The following AHCTF1 variants were observed in gnomAD, a reference collection of about 807,000 sequenced individuals.
AHCTF1 encodes protein ELYS.
In AHCTF1, 24 loss-of-function variants were observed where a neutral mutation model predicts 248.4. The ratio of observed to expected loss-of-function variants is 0.10; its 90% CI spans 0.07 to 0.14. AHCTF1 has a LOEUF of 0.14. Ranked by LOEUF, AHCTF1 falls within the 10% of genes least tolerant of loss-of-function variation. The pLI is 1.00. For missense variants in AHCTF1, 2,206 were observed against 2,636.2 expected, an observed-to-expected ratio of 0.84 and a Z score of 3.57; for synonymous variants, 786 against 929.8, an observed-to-expected ratio of 0.85 and a Z score of 2.81.
chr1:246,872,181 G>T (rs1662644753), intron 24 of AHCTF1, among the ~76,000 whole-genome samples: 1 of 151,208 alleles, frequency 6.6e-6, no homozygotes, highest in African/African-American at 2.4e-5. Flanking sequence ...AGTTACTAAA[G>T]ATACCTGATC....
At position 246,867,246 on chromosome 1, in the gene AHCTF1, A is replaced by G. The variant is rs766787059; in HGVS notation, c.3345T>C (p.Ser1115=). Reference sequence around the variant, plus strand: ...AGAATGATTTAATAAACTCTTACCTAGAAATTTTTTGTGATGCTTTTGAAA... The same window carrying G: ...AGAATGATTTAATAAACTCTTACCTGGAAATTTTTTGTGATGCTTTTGAAA... ...TPISKASQKI[S]RLLDLVVQPV... The change falls in exon 26 of 36, where the codon TCT becomes TCC. Residue 1115 remains serine, a splice_region_variant and synonymous_variant. Coordinates refer to ENST00000648844, the MANE Select transcript of AHCTF1 (RefSeq NM_001323342.2). The G allele has an allele frequency of 6.3e-7, 1 of 1,576,598 alleles. No homozygotes were observed. The highest frequency in any genetic ancestry group is 8.7e-7 in the Non-Finnish European group (1 of 1,154,746).
intron 1 of AHCTF1, chr1:246,931,153 GAACACACGCC>G (rs1390739774): frequency 6.5e-7 from 1 of 1,550,084 alleles, no homozygotes; most frequent in Non-Finnish European, 8.7e-7. Context: ...AGCGCATGTG[GAACACACGCC>G]AACACAGGAC....
At position 246,876,079 on chromosome 1, in the gene AHCTF1, C is replaced by T. The variant is rs1662938400; in HGVS notation, c.3046G>A (p.Ala1016Thr). Residue 1016 changes from alanine to threonine, a missense_variant, in exon 24 of 36, where the codon GCT (alanine) becomes ACT (threonine). Around this residue, in one of 6 missense-constraint regions of AHCTF1, gnomAD observed 955 missense variants for 1,055.6 expected, o/e 0.90. Coordinates refer to ENST00000648844, the MANE Select transcript of AHCTF1 (RefSeq NM_001323342.2). Reference sequence around the variant, plus strand: ...GATGTTGACAGATGATAAGGCTTAGCTCGTTCAATGGCTAATTTTCGATGG... The same window carrying T: ...GATGTTGACAGATGATAAGGCTTAGTTCGTTCAATGGCTAATTTTCGATGG... ...RVHRKLAIER[A>T]KPYHLSTSSV... The T allele has an allele frequency of 1.2e-6, 2 of 1,608,634 alleles. No individual in the cohort carries two copies. Among genetic ancestry groups the T allele is most frequent in the Non-Finnish European group, 1.7e-6 (2 of 1,177,872 alleles).
chr1:246,841,583 T>A (rs1212362299), intron 35 of AHCTF1, among the ~76,000 whole-genome samples: 1 of 152,198 alleles, frequency 6.6e-6, no homozygotes, highest in African/African-American at 2.4e-5. Flanking sequence ...AATGGAGTGA[T>A]CTTCCCATGC....
At chr1:246,908,323 CA>C (rs34997839) in intron 4 of AHCTF1, among the ~76,000 whole-genome samples, 3,149 of 101,524 alleles carry the variant, frequency 0.031, 64 homozygotes, top group African/African-American at 0.076. Context: ...CACAGGGATA[CA>C]AAAAAAAAAA....
Position 246,888,050 on chromosome 1 carries a change from A to T in AHCTF1, c.2325+127T>A, listed in dbSNP as rs536459570. On this transcript the variant is annotated intron_variant, in intron 19 of 35. Transcript: ENST00000648844. Reference sequence around the variant, plus strand: ...GAGCCCAAACAACAGATCCTGGGTTAACACCTCTTCTTAAGAAAACAAAAC... The same window carrying T: ...GAGCCCAAACAACAGATCCTGGGTTTACACCTCTTCTTAAGAAAACAAAAC... The T allele has an allele frequency of 2.7e-4, 258 of 969,038 alleles. 3 individuals carry two copies. The South Asian group carries it at 4.0e-3, about 15-fold the overall frequency. The allele number at this position is 969,038 out of a possible 1,614,324, so 60.0% of individuals were successfully genotyped here. A position where few individuals can be genotyped will look rare whatever the true frequency, so the allele number is the denominator to read the frequency against.
intron 1 of AHCTF1, among the ~76,000 whole-genome samples, chr1:246,927,956 C>T (rs571716514): frequency 7.2e-5 from 11 of 152,042 alleles, no homozygotes; most frequent in East Asian, 1.9e-4. Context: ...GCCAAGATCA[C>T]GCCACTGCAC....
intron 8 of AHCTF1, among the ~76,000 whole-genome samples, 153 bp downstream of exon 8, chr1:246,902,372 G>A (rs1357775004): frequency 6.6e-6 from 1 of 152,120 alleles, no homozygotes; most frequent in Non-Finnish European, 1.5e-5. Flanking sequence ...TGGAGAGCAA[G>A]AAATATCTAG....
chr1:246,916,596 G>A (rs1021201722), intron 2 of AHCTF1, among the ~76,000 whole-genome samples: 1 of 152,180 alleles, frequency 6.6e-6, no homozygotes, highest in Non-Finnish European at 1.5e-5. Context: ...GGAGCTTGGA[G>A]TAAGCCGAGA....
intron 4 of AHCTF1, among the ~76,000 whole-genome samples, chr1:246,910,722 A>G (rs1032913312): frequency 6.6e-6 from 1 of 152,170 alleles, no homozygotes; most frequent in Admixed American, 6.5e-5. Flanking sequence ...ATCATATCAC[A>G]CTGTCCTAGA....
At chr1:246,902,919 C>A (rs1665108807) in intron 7 of AHCTF1, among the ~76,000 whole-genome samples, 1 of 152,262 alleles carries the variant, frequency 6.6e-6, no homozygotes, top group African/African-American at 2.4e-5. Flanking sequence ...CAGAAGCCCT[C>A]ATGCACTACT....
Position 246,857,682 on chromosome 1 carries a change from T to C in AHCTF1, c.4256+9A>G. The C allele has an allele frequency of 1.3e-6, 2 of 1,595,454 alleles. No homozygotes were observed. Among genetic ancestry groups the C allele is most frequent in the Non-Finnish European group, 1.7e-6 (2 of 1,174,150 alleles). On this transcript the variant is annotated intron_variant, in intron 30 of 35. Transcript: ENST00000648844. Reference sequence around the variant, plus strand: ...CTAAAAGTATTTGAATTTCTCTCCATTAACTTACCCTTCATAGACTGATGG... The same window carrying C: ...CTAAAAGTATTTGAATTTCTCTCCACTAACTTACCCTTCATAGACTGATGG...
At chr1:246,897,292 C>T (rs1361888630) in intron 12 of AHCTF1, among the ~76,000 whole-genome samples, 1 of 151,978 alleles carries the variant, frequency 6.6e-6, no homozygotes, top group Non-Finnish European at 1.5e-5. Context: ...CCAGTCTGGG[C>T]AACAGACCGA....
intron 24 of AHCTF1, among the ~76,000 whole-genome samples, chr1:246,868,900 A>G (rs1239082801): frequency 1.4e-5 from 2 of 145,080 alleles, no homozygotes; most frequent in African/African-American, 2.6e-5. Context: ...GTTGGAGTGC[A>G]GTGGTGTGAT....
chr1:246,859,106 C>T (rs976133986), intron 29 of AHCTF1, among the ~76,000 whole-genome samples: 1 of 152,110 alleles, frequency 6.6e-6, no homozygotes, highest in African/African-American at 2.4e-5. Flanking sequence ...TAGACATATG[C>T]TATTTATGGG....
At chr1:246,906,591 T>C (rs996046367) in intron 5 of AHCTF1, among the ~76,000 whole-genome samples, 3 of 150,022 alleles carry the variant, frequency 2.0e-5, no homozygotes, top group East Asian at 2.0e-4. Context: ...CCCAAAAAAA[T>C]AGAAAAAAAA....
At chr1:246,866,532 T>C (rs1296200819) in intron 26 of AHCTF1, among the ~76,000 whole-genome samples, 1 of 152,210 alleles carries the variant, frequency 6.6e-6, no homozygotes, top group Non-Finnish European at 1.5e-5. Flanking sequence ...CTCAGTTGTT[T>C]GTATGACCTT....
chr1:246,843,802 T>C lies in AHCTF1; in HGVS notation c.6518A>G (p.Asp2173Gly), dbSNP rs1334988085. Residue 2173 changes from aspartate to glycine, a missense_variant, in exon 34 of 36, where the codon GAT (aspartate) becomes GGT (glycine). By Grantham distance (94) the Asp-to-Gly change is moderately conservative. Around this residue, in one of 6 missense-constraint regions of AHCTF1, gnomAD observed 469 missense variants for 470.0 expected, o/e 1.00. Transcript: ENST00000648844. Reference protein sequence around the residue: ...KNTSNKNKLEDELKDDAQSVE... With the variant: ...KNTSNKNKLEGELKDDAQSVE... Reference sequence around the variant, plus strand: ...AAATCATGCATTTCTTACCAGTTCATCTTCAAGCTTGTTCTTATTGGATGT... The same window carrying C: ...AAATCATGCATTTCTTACCAGTTCACCTTCAAGCTTGTTCTTATTGGATGT... The C allele has an allele frequency of 1.5e-5, 21 of 1,427,470 alleles. No homozygotes were observed. The highest frequency in any genetic ancestry group is 1.9e-5 in the Non-Finnish European group (21 of 1,086,084). 88.4% of individuals were successfully genotyped at this position (1,427,470 alleles called of 1,614,324 possible).
At chr1:246,846,140 TCTG>T (rs1200871772) in intron 33 of AHCTF1, among the ~76,000 whole-genome samples, 3 of 149,164 alleles carry the variant, frequency 2.0e-5, no homozygotes, top group Admixed American at 1.4e-4. Context: ...CTTCTTAATA[TCTG>T]CTGTATGAAA....
Sources: gnomAD v4.1 joint callset for allele counts (sites outside exome capture counted in the v4.1 genomes callset) on GRCh38, gnomAD v4.1.1 for gene constraint, gnomAD v4.1.1 regional missense constraint, MANE v1.5 for transcripts, NCBI Gene and HGNC (gene_info 2026-07-23, HGNC 2026-07-21) for gene names.